SLC25A43: variants seen among roughly 807,000 people sequenced by gnomAD.
The protein encoded by SLC25A43 is solute carrier family 25, member 43.
Under a neutral mutation model 22.8 loss-of-function variants are expected in SLC25A43, and 10 were observed. The observed-to-expected ratio is 0.44, with a 90% CI of 0.27 to 0.74. The LOEUF is 0.74. Ranked by LOEUF, SLC25A43 falls within the 30% of genes least tolerant of loss-of-function variation. The pLI is 0.17. For missense variants in SLC25A43, 233 were observed against 279.1 expected (o/e 0.83, Z 1.18); for synonymous variants, 106 against 121.6 (o/e 0.87, Z 0.84).
At position 119,399,538 on chromosome X, in the gene SLC25A43, G is replaced by A; in HGVS notation, c.135G>A (p.Val45=). 1.8e-6 allele frequency: 2 copies of A among 1,081,955 alleles called. No individual in the cohort carries two copies. The highest frequency in any genetic ancestry group is 3.2e-5 in the Admixed American group (1 of 31,148). The allele number at this position is 1,081,955 out of a possible 1,213,427, so 89.2% of individuals were successfully genotyped here. Residue 45 remains valine (V), a synonymous_variant, in exon 1 of 5, where the codon GTG becomes GTA. Transcript: ENST00000217909. ...CCGTGCTGGCCCAGGTTGGCGTCGT[G>A]CGAGGCCACGCCCGGGGACCGTGGG... ...LATVLAQVGV[V]RGHARGPWAT...
intron 3 of SLC25A43, among the ~76,000 whole-genome samples, chrX:119,446,273 TG>T (rs2052667947): frequency 9.4e-6 from 1 of 106,368 alleles, no homozygotes; most frequent in African/African-American, 3.4e-5. Flanking sequence ...TTAAGGAGGG[TG>T]GAAGAGAGAA....
chrX:119,406,913 A>T (rs1310089998), intron 2 of SLC25A43, among the ~76,000 whole-genome samples: 2 of 112,962 alleles, frequency 1.8e-5, no homozygotes. Flanking sequence ...AGGGGAGTAG[A>T]CCAGAAAGTG....
chrX:119,426,281 G>C (rs1256527657), intron 3 of SLC25A43: 6 of 743,884 alleles, frequency 8.1e-6, no homozygotes, highest in Non-Finnish European at 9.5e-6. Flanking sequence ...TCCCAGCCTT[G>C]CCACTTACTC....
At chrX:119,441,608 G>A (rs1194080183) in intron 3 of SLC25A43, among the ~76,000 whole-genome samples, 2 of 111,135 alleles carry the variant, frequency 1.8e-5, no homozygotes, top group African/African-American at 6.5e-5. Flanking sequence ...TTATTTGCAC[G>A]TACTCATTTT....
intron 3 of SLC25A43, among the ~76,000 whole-genome samples, chrX:119,427,121 A>G (rs1260129773): frequency 9.1e-6 from 1 of 109,748 alleles, no homozygotes; most frequent in African/African-American, 3.3e-5. Context: ...GCAAGGTGAC[A>G]CTTTCAAAGT....
intron 1 of SLC25A43, among the ~76,000 whole-genome samples, chrX:119,402,047 CAA>C (rs775028317): frequency 8.9e-6 from 1 of 111,938 alleles, no homozygotes; most frequent in East Asian, 2.8e-4. Context: ...AGTTGGAAAG[CAA>C]AGTGTTTGAT....
Position 119,453,311 on chromosome X carries a change from G to C in SLC25A43, c.*246G>C. ...CATTCCACGAGATTTTATAACCAGA[G>C]TCTAGCAGTGATAAAATGTACAATT... On this transcript the variant is annotated 3_prime_UTR_variant, in exon 5 of 5. Coordinates refer to ENST00000217909, the MANE Select transcript of SLC25A43 (RefSeq NM_145305.3). 2.7e-6 allele frequency: 1 copy of C among 368,048 alleles called. No individual in the cohort carries two copies. The highest frequency in any genetic ancestry group is 4.7e-6 in the Non-Finnish European group (1 of 212,400). The allele number at this position is 368,048 out of a possible 1,213,427, so 30.3% of individuals were successfully genotyped here. A position where few individuals can be genotyped will look rare whatever the true frequency, so the allele number is the denominator to read the frequency against.
intron 3 of SLC25A43, chrX:119,451,758 G>T: frequency 1.1e-6 from 1 of 919,539 alleles, no homozygotes; most frequent in Non-Finnish European, 1.4e-6. Flanking sequence ...AATTGAATCT[G>T]TCCCAAATGT....
At chrX:119,411,744 A>C in intron 3 of SLC25A43, among the ~76,000 whole-genome samples, 1 of 111,255 alleles carries the variant, frequency 9.0e-6, no homozygotes, top group East Asian at 2.8e-4. Flanking sequence ...AGGCCCTTAA[A>C]ATTCAAAAAT....
At chrX:119,414,552 C>T (rs1271333944) in intron 3 of SLC25A43, among the ~76,000 whole-genome samples, 1 of 109,703 alleles carries the variant, frequency 9.1e-6, no homozygotes, top group African/African-American at 3.3e-5. Context: ...GATAGAGACA[C>T]GGTTTCAGCA....
intron 3 of SLC25A43, among the ~76,000 whole-genome samples, chrX:119,449,344 G>A (rs1010120746): frequency 9.5e-6 from 1 of 105,115 alleles, no homozygotes; most frequent in Non-Finnish European, 1.9e-5. Flanking sequence ...AACCCAGGAG[G>A]CAGAGGTTGC....
chrX:119,409,150 T>TTTTTA (rs1399571742), intron 2 of SLC25A43, among the ~76,000 whole-genome samples: 1 of 107,560 alleles, frequency 9.3e-6, no homozygotes, highest in East Asian at 2.9e-4. Context: ...CATCAGTCCA[T>TTTTTA]TTTTATTTTA....
chrX:119,452,489 T>C (rs1423112480), intron 4 of SLC25A43, among the ~76,000 whole-genome samples: 2 of 85,068 alleles, frequency 2.4e-5, no homozygotes, highest in Non-Finnish European at 4.5e-5. Context: ...AAGAACTCCA[T>C]GACAAAAAAA....
chrX:119,411,753 A>G (rs913849303), intron 3 of SLC25A43, among the ~76,000 whole-genome samples: 5 of 111,589 alleles, frequency 4.5e-5, no homozygotes, highest in African/African-American at 1.3e-4. Context: ...AAATTCAAAA[A>G]TAGCTAATGC....
At position 119,404,651 on chromosome X, in the gene SLC25A43, A is replaced by G. The variant is rs760855085; in HGVS notation, c.276-1809A>G. Among the ~76,000 whole-genome samples the G allele has an allele frequency of 1.6e-4, 18 of 111,620 alleles. 1 individual carries two copies. The South Asian group carries it at 6.8e-3, about 42-fold the overall frequency. On this transcript the variant is annotated intron_variant, in intron 1 of 4. Coordinates refer to ENST00000217909, the MANE Select transcript of SLC25A43 (RefSeq NM_145305.3). ...AGAAATGTGACTGGATGAAAAGCAC[A>G]TGATCTAAACCCAGCAAGGCCTGTC...
intron 3 of SLC25A43, among the ~76,000 whole-genome samples, chrX:119,435,454 ATTCT>A (rs2052594745): frequency 2.1e-5 from 1 of 47,155 alleles, no homozygotes; most frequent in Non-Finnish European, 3.6e-5. Flanking sequence ...TTTAGATTTT[ATTCT>A]TTTTTTTTTT....
rs1443572358 is a variant in SLC25A43, at chrX:119,405,270, A to G, written c.276-1190A>G. ...GACAAAATGAAGTCAAGACTCCTAC[A>G]GCTTGAAGATGTTTTTAATCAGTGA... On this transcript the variant is annotated intron_variant, in intron 1 of 4. Coordinates refer to ENST00000217909, the MANE Select transcript of SLC25A43 (RefSeq NM_145305.3). 4.7e-4 allele frequency among the ~76,000 whole-genome samples: 52 copies of G among 111,741 alleles called. 1 individual carries two copies. The Admixed American group carries it at 4.8e-3, about 10-fold the overall frequency.
At chrX:119,446,046 G>A (rs1486371895) in intron 3 of SLC25A43, among the ~76,000 whole-genome samples, 1 of 106,498 alleles carries the variant, frequency 9.4e-6, no homozygotes, top group East Asian at 2.9e-4. Flanking sequence ...CCAGCTACTC[G>A]GGAGGCTGAG....
At chrX:119,412,252 C>T (rs138654963) in intron 3 of SLC25A43, among the ~76,000 whole-genome samples, 26 of 112,032 alleles carry the variant, frequency 2.3e-4, no homozygotes, top group Non-Finnish European at 9.4e-5. Context: ...AGATAATTGT[C>T]GCATCATTGT....
Sources: gnomAD v4.1 joint callset for allele counts (sites outside exome capture counted in the v4.1 genomes callset) on GRCh38, gnomAD v4.1.1 for gene constraint, MANE v1.5 for transcripts, NCBI Gene and HGNC (gene_info 2026-07-23, HGNC 2026-07-21) for gene names.